The following VPS54 variants were observed in gnomAD, a reference collection of about 807,000 sequenced individuals.
The protein encoded by VPS54 is VPS54 subunit of GARP complex.
A neutral mutation model predicts 121.5 loss-of-function variants in VPS54; 45 were observed. The observed-to-expected ratio is 0.37, with a 90% CI of 0.29 to 0.47. VPS54 has a LOEUF of 0.47. Among genes scored for constraint, VPS54 ranks in the 20% least tolerant of loss-of-function variants. The pLI, the probability that VPS54 is intolerant of heterozygous loss-of-function variation, is 0.99. For missense variants in VPS54, 1,090 were observed against 1,131.4 expected (o/e 0.96, Z 0.52); for synonymous variants, 371 against 385.8 (o/e 0.96, Z 0.45).
chr2:64,000,127 T>A (rs1387871699), intron 1 of VPS54, among the ~76,000 whole-genome samples: 1 of 152,142 alleles, frequency 6.6e-6, no homozygotes, highest in African/African-American at 2.4e-5. Context: ...CCCAAACTGA[T>A]GGGATTACAG....
rs1160830671 is a variant in VPS54 at position 63,983,877 on chromosome 2, G to A, written c.123C>T (p.Pro41=). The change falls in exon 2 of 23, where the codon CCC becomes CCT. Residue 41 remains proline, a synonymous_variant. Coordinates refer to ENST00000272322, the MANE Select transcript of VPS54 (RefSeq NM_016516.3). ...RPVPSLPDVC[P]KEPTGDSHSL... is the part of the protein sequence containing the mutation. ...AAAAAGCATTACCTGTGGGTTCCTTGGGACACACATCTGGCAGTGATGGCA... is the reference window on the plus strand; with the variant it reads ...AAAAAGCATTACCTGTGGGTTCCTTAGGACACACATCTGGCAGTGATGGCA... 1 of 1,600,216 alleles carries A rather than the reference G, an allele frequency of 6.2e-7. No individual in the cohort carries two copies. Among genetic ancestry groups the A allele is most frequent in the Non-Finnish European group, 8.5e-7 (1 of 1,174,324 alleles).
chr2:63,912,759 T>C, intron 18 of VPS54, 98 bp from the exon 19 acceptor site: 1 of 1,428,490 alleles, frequency 7.0e-7, no homozygotes, highest in Non-Finnish European at 9.3e-7. Flanking sequence ...AAACATCACT[T>C]ATAAAGAACC....
At position 63,981,683 on chromosome 2, in the gene VPS54, T is replaced by C. The variant is rs746788513; in HGVS notation, c.341A>G (p.Lys114Arg). 6.2e-7 allele frequency: 1 copy of C among 1,611,184 alleles called. No homozygotes were observed. The highest frequency in any genetic ancestry group is 8.5e-7 in the Non-Finnish European group (1 of 1,178,318). ...IPSFYLPQISKEHFTVYQQEI... is the reference protein window; with the variant it reads ...IPSFYLPQISREHFTVYQQEI... ...CTGTTGATATACTGTAAAATGTTCC[T>C]TGCTGATCTGTGGGAGGTAGAATGA... The change falls in exon 3 of 23, where the codon AAG becomes AGG. Residue 114 changes from lysine to arginine, a missense_variant. Physicochemically the swap from Lys to Arg is conservative, Grantham distance 26 (BLOSUM62 2). Transcript: ENST00000272322.
intron 1 of VPS54, among the ~76,000 whole-genome samples, chr2:64,005,191 C>A (rs1000266039): frequency 3.4e-5 from 5 of 145,030 alleles, no homozygotes; most frequent in African/African-American, 1.3e-4. Flanking sequence ...GCAAGCTCCG[C>A]CTCCCAGGTT....
chr2:63,926,201 CAT>C (rs148966154), intron 12 of VPS54, among the ~76,000 whole-genome samples: 2,680 of 152,302 alleles, frequency 0.018, 34 homozygotes, highest in Non-Finnish European at 0.022. Flanking sequence ...GAAAACTACA[CAT>C]GAGAATGGTA....
At chr2:63,967,735 A>AAAAAAAAAAAAAAAAAAAAAAAAAC (rs1676072902) in intron 5 of VPS54, among the ~76,000 whole-genome samples, 1 of 149,368 alleles carries the variant, frequency 6.7e-6, no homozygotes, top group African/African-American at 2.5e-5. Flanking sequence ...AAAAAAAAAA[A>AAAAAAAAAAAAAAAAAAAAAAAAAC]TCTTATAAGG....
intron 1 of VPS54, among the ~76,000 whole-genome samples, chr2:63,996,891 C>T (rs1187398181): frequency 3.9e-5 from 6 of 152,052 alleles, no homozygotes; most frequent in African/African-American, 1.4e-4. Context: ...ATTTTGTTGC[C>T]CTTGAAGCAT....
chr2:63,966,021 A>C, intron 5 of VPS54, 55 bp from the exon 6 acceptor site: 3 of 1,548,738 alleles, frequency 1.9e-6, no homozygotes, highest in Non-Finnish European at 2.6e-6. Context: ...TATACCCATT[A>C]TCTCTTCTAA....
chr2:63,944,726 A>G (rs1674898338), intron 9 of VPS54, 71 bp from the exon 10 acceptor site: 10 of 1,351,856 alleles, frequency 7.4e-6, no homozygotes, highest in South Asian at 1.3e-5. Context: ...TCCATGTTCC[A>G]TTTGTACATT....
intron 1 of VPS54, among the ~76,000 whole-genome samples, chr2:64,004,031 CCAG>C (rs2104683376): frequency 6.6e-6 from 1 of 152,266 alleles, no homozygotes; most frequent in African/African-American, 2.4e-5. Context: ...TGCTCAAAGA[CCAG>C]CAGGACCTAT....
chr2:63,921,153 G>A, intron 13 of VPS54, 53 bp downstream of exon 13: 1 of 1,529,864 alleles, frequency 6.5e-7, no homozygotes, highest in African/African-American at 1.4e-5. Flanking sequence ...CATAATTCCA[G>A]ATCTTCAAAA....
At chr2:63,929,380 T>A (rs1305708794) in intron 12 of VPS54, among the ~76,000 whole-genome samples, 1 of 152,162 alleles carries the variant, frequency 6.6e-6, no homozygotes, top group Non-Finnish European at 1.5e-5. Flanking sequence ...ACCACTCAAC[T>A]ACATGGAAAC....
intron 1 of VPS54, among the ~76,000 whole-genome samples, chr2:63,994,863 G>A (rs1027724238): frequency 2.2e-4 from 33 of 152,174 alleles, no homozygotes; most frequent in African/African-American, 8.0e-4. Context: ...AATAGACTGG[G>A]CACCAAAGGG....
Position 63,947,455 on chromosome 2 carries a change from T to A in VPS54, c.1173A>T (p.Lys391Asn), listed in dbSNP as rs1040446013. ...TTTCTAAAAAATTAAGCTTTCTTTG[T>A]TTTAAAAGTCCAAATACAAGAGATA... Reference protein sequence around the residue: ...RLISLVFGLLKQRKLNFLEIY... With the variant: ...RLISLVFGLLNQRKLNFLEIY... The change falls in exon 9 of 23, where the codon AAA (lysine) becomes AAT (asparagine). Residue 391 changes from lysine to asparagine, a missense_variant. Lys to Asn is a moderately conservative substitution (Grantham distance 94). Transcript: ENST00000272322. 3.9e-6 allele frequency: 6 copies of A among 1,543,842 alleles called. No homozygotes were observed. The highest frequency in any genetic ancestry group is 1.4e-5 in the African/African-American group (1 of 73,316).
At chr2:63,974,918 T>C in intron 3 of VPS54, 1 of 1,438,552 alleles carries the variant, frequency 7.0e-7, no homozygotes, top group South Asian at 1.5e-5. Context: ...TTTATTTCCT[T>C]TTCTTATTAC....
intron 1 of VPS54, among the ~76,000 whole-genome samples, chr2:64,008,852 T>C (rs1385947506): frequency 6.6e-6 from 1 of 152,250 alleles, no homozygotes; most frequent in Non-Finnish European, 1.5e-5. Context: ...TCAAATACAG[T>C]GAACACTATA....
At chr2:63,926,712 G>A (rs766737213) in intron 12 of VPS54, among the ~76,000 whole-genome samples, 12 of 152,202 alleles carry the variant, frequency 7.9e-5, no homozygotes, top group South Asian at 4.1e-4. Context: ...ACAAGGGGTC[G>A]GGGGATTTCC....
chr2:63,978,165 T>C lies in VPS54; in HGVS notation c.378+3481A>G, dbSNP rs555343977. Among the ~76,000 whole-genome samples, 16 of 152,382 alleles carry C rather than the reference T, an allele frequency of 1.0e-4. No homozygotes were observed. The South Asian group carries it at 2.7e-3, about 26-fold the overall frequency. On this transcript the variant is annotated intron_variant, in intron 3 of 22. Transcript: ENST00000272322. Reference sequence around the variant, plus strand: ...TTGATTTTCAGTTTGCTAAGGTTTTTTGTTGTGAGAACGGAAGTGACAACT... The same window carrying C: ...TTGATTTTCAGTTTGCTAAGGTTTTCTGTTGTGAGAACGGAAGTGACAACT...
intron 1 of VPS54, among the ~76,000 whole-genome samples, chr2:64,013,321 G>A (rs933310746): frequency 6.6e-6 from 1 of 152,072 alleles, no homozygotes; most frequent in Non-Finnish European, 1.5e-5. Flanking sequence ...ACATGCTCCA[G>A]GACATATGGT....
Sources: gnomAD v4.1 joint callset for allele counts (sites outside exome capture counted in the v4.1 genomes callset) on GRCh38, gnomAD v4.1.1 for gene constraint, MANE v1.5 for transcripts, NCBI Gene and HGNC (gene_info 2026-07-23, HGNC 2026-07-21) for gene names.